The following GMDS variants were observed in gnomAD, a reference collection of about 807,000 sequenced individuals.
GMDS encodes GDP-mannose 4,6 dehydratase.
In GMDS, 20 loss-of-function variants were observed where a neutral mutation model predicts 49.9. That is an observed-to-expected ratio of 0.40 (90% CI 0.28 to 0.58). The LOEUF (loss-of-function observed/expected upper bound fraction) is 0.58. Among genes scored for constraint, GMDS ranks in the 20% least tolerant of loss-of-function variants. GMDS has a pLI of 0.42. For synonymous variants in GMDS, 177 were observed against 178.6 expected, an observed-to-expected ratio of 0.99 and a Z score of 0.07; for missense variants, 362 against 481.4, an observed-to-expected ratio of 0.75 and a Z score of 2.32.
At chr6:2,154,719 T>C (rs1165121998) in intron 1 of GMDS, among the ~76,000 whole-genome samples, 2 of 151,954 alleles carry the variant, frequency 1.3e-5, no homozygotes, top group Non-Finnish European at 2.9e-5. Context: ...TGCCCAGATA[T>C]GCAATTATAT....
intron 7 of GMDS, among the ~76,000 whole-genome samples, chr6:1,877,644 T>TAAAAAAAAAAAAAAAAAAA (rs60037634): frequency 2.2e-5 from 2 of 90,516 alleles, no homozygotes; most frequent in Non-Finnish European, 2.1e-5. Context: ...TCTCAAAAAT[T>TAAAAAAAAAAAAAAAAAAA]AAAAAAAAAA....
intron 1 of GMDS, among the ~76,000 whole-genome samples, chr6:2,239,050 C>T (rs754129175): frequency 5.9e-5 from 9 of 152,126 alleles, no homozygotes; most frequent in Non-Finnish European, 8.8e-5. Context: ...CTATCCTGGC[C>T]GGGCACGGTG....
At chr6:2,203,696 T>C (rs933904957) in intron 1 of GMDS, among the ~76,000 whole-genome samples, 3 of 152,160 alleles carry the variant, frequency 2.0e-5, no homozygotes, top group African/African-American at 7.2e-5. Context: ...ATCTAACTGG[T>C]ATACCAAAGA....
chr6:1,819,511 A>G (rs956083528), intron 7 of GMDS, among the ~76,000 whole-genome samples: 2 of 152,126 alleles, frequency 1.3e-5, no homozygotes, highest in African/African-American at 4.8e-5. Context: ...CTGTAATCCC[A>G]GCACTTTGGG....
intron 7 of GMDS, among the ~76,000 whole-genome samples, chr6:1,800,911 A>C (rs1769924070): frequency 6.6e-6 from 1 of 152,228 alleles, no homozygotes; most frequent in Admixed American, 6.5e-5. Flanking sequence ...CAAGGTGCTG[A>C]GTAAACTTCT....
intron 7 of GMDS, among the ~76,000 whole-genome samples, chr6:1,847,749 T>G (rs562576368): frequency 6.6e-6 from 1 of 152,310 alleles, no homozygotes; most frequent in Non-Finnish European, 1.5e-5. Flanking sequence ...CATTTTTCAC[T>G]TTGCCCCAAT....
intron 1 of GMDS, among the ~76,000 whole-genome samples, chr6:2,148,021 C>T (rs897036861): frequency 9.2e-5 from 14 of 151,870 alleles, no homozygotes; most frequent in African/African-American, 3.4e-4. Context: ...GTATATTAGA[C>T]ATTCTCAAAG....
At position 2,191,226 on chromosome 6, in the gene GMDS, G is replaced by A. The variant is rs542765763; in HGVS notation, c.102+54095C>T. 3.9e-5 allele frequency among the ~76,000 whole-genome samples: 6 copies of A among 152,232 alleles called. No homozygotes were observed. The highest frequency in any genetic ancestry group is 2.1e-4 in the South Asian group (1 of 4,824). On this transcript the variant is annotated intron_variant, in intron 1 of 10. Transcript: ENST00000380815. The surrounding 1 kb of genome is among the most constrained non-coding windows in gnomAD (Gnocchi z 4.6). ...CCACCGGGCCTGACACTCCCGACCCGCTATCCGCTCCTGGAGGCACCCCCT... is the reference window on the plus strand; with the variant it reads ...CCACCGGGCCTGACACTCCCGACCCACTATCCGCTCCTGGAGGCACCCCCT...
At chr6:1,874,469 G>T (rs1277881124) in intron 7 of GMDS, among the ~76,000 whole-genome samples, 2 of 152,110 alleles carry the variant, frequency 1.3e-5, no homozygotes, top group African/African-American at 2.4e-5. Flanking sequence ...GTGGTGGAGA[G>T]AGAGGACATG....
intron 8 of GMDS, among the ~76,000 whole-genome samples, chr6:1,738,193 A>G (rs1767124106): frequency 6.6e-6 from 1 of 150,572 alleles, no homozygotes; most frequent in African/African-American, 2.5e-5. Context: ...ATATACACAC[A>G]TACACACACA....
chr6:1,768,117 A>G (rs1194108441), intron 7 of GMDS, among the ~76,000 whole-genome samples: 2 of 152,224 alleles, frequency 1.3e-5, no homozygotes, highest in Non-Finnish European at 2.9e-5. Flanking sequence ...TAAACATTTC[A>G]GTACTGAGGC....
intron 1 of GMDS, among the ~76,000 whole-genome samples, chr6:2,230,075 G>T (rs1375068093): frequency 6.6e-6 from 1 of 150,970 alleles, no homozygotes; most frequent in African/African-American, 2.5e-5. Flanking sequence ...AGAGTCCACA[G>T]TTGCGAGACT....
intron 4 of GMDS, among the ~76,000 whole-genome samples, chr6:1,969,289 A>AAAAAAAAAAAAAAAAAAAAAAAAAAAAAG (rs56095985): frequency 1.2e-5 from 1 of 84,354 alleles, no homozygotes; most frequent in Non-Finnish European, 2.3e-5. Context: ...AAAAAAAAAA[A>AAAAAAAAAAAAAAAAAAAAAAAAAAAAAG]AGAGAAAGAA....
At chr6:2,108,525 T>C (rs1437001915) in intron 4 of GMDS, among the ~76,000 whole-genome samples, 1 of 152,198 alleles carries the variant, frequency 6.6e-6, no homozygotes, top group African/African-American at 2.4e-5. Flanking sequence ...CACCTGGCAT[T>C]GTTGAATTTG....
chr6:1,937,621 A>G (rs963276936), intron 6 of GMDS, among the ~76,000 whole-genome samples: 1 of 152,150 alleles, frequency 6.6e-6, no homozygotes, highest in African/African-American at 2.4e-5. Context: ...CTCTGCCCCC[A>G]TATTCACACC....
chr6:2,145,415 G>A (rs1776503652), intron 1 of GMDS, among the ~76,000 whole-genome samples: 1 of 152,010 alleles, frequency 6.6e-6, no homozygotes, highest in African/African-American at 2.4e-5. Flanking sequence ...GTGGATGCCT[G>A]TAATCCCAGC....
chr6:2,159,078 C>A (rs1013531518), intron 1 of GMDS, among the ~76,000 whole-genome samples: 1 of 152,168 alleles, frequency 6.6e-6, no homozygotes, highest in East Asian at 1.9e-4. Flanking sequence ...TGCGACACTT[C>A]ATGAAAGTCA....
At chr6:1,984,299 G>T (rs77844149) in intron 4 of GMDS, among the ~76,000 whole-genome samples, 4,152 of 152,166 alleles carry the variant, frequency 0.027, 198 homozygotes, top group African/African-American at 0.094. Context: ...ATGATGAGAT[G>T]ATCTCTGCAG....
At chr6:1,954,848 G>A (rs927458302) in intron 6 of GMDS, among the ~76,000 whole-genome samples, 8 of 152,096 alleles carry the variant, frequency 5.3e-5, no homozygotes, top group African/African-American at 1.4e-4. Flanking sequence ...GGAACGGGGC[G>A]GCGGTGGCAG....
Sources: gnomAD v4.1 joint callset for allele counts (sites outside exome capture counted in the v4.1 genomes callset) on GRCh38, gnomAD v4.1.1 for gene constraint, Gnocchi (gnomAD v3.1) non-coding constraint, MANE v1.5 for transcripts, NCBI Gene and HGNC (gene_info 2026-07-23, HGNC 2026-07-21) for gene names.